The following ZIM2 variants were observed in gnomAD, a reference collection of about 807,000 sequenced individuals.
ZIM2 encodes the protein zinc finger imprinted 2.
In ZIM2, 14 loss-of-function variants were observed where a neutral mutation model predicts 38.6. The ratio of observed to expected loss-of-function variants is 0.36; its 90% CI spans 0.24 to 0.57. The LOEUF is 0.57. Ranked by LOEUF, ZIM2 falls within the 20% of genes least tolerant of loss-of-function variation. The pLI, the probability that ZIM2 is intolerant of heterozygous loss-of-function variation, is 0.81. For synonymous variants in ZIM2, 247 were observed against 245.8 expected (o/e 1.00, Z -0.04); for missense variants, 680 against 695.1 (o/e 0.98, Z 0.24).
In ZIM2 at chr19:56,824,403, TCTC is replaced by T; in HGVS notation, c.-129_-127del. On this transcript the variant is annotated 5_prime_UTR_variant, in exon 4 of 13. Coordinates refer to ENST00000629319, the MANE Select transcript of ZIM2 (RefSeq NM_001387356.1). Reference sequence around the variant, plus strand: ...TGCTCAAGGACCAAGAGCTCGATGATCTCCTCCTTGGTGCGGGTCTCCGGCTGC... The same window carrying T: ...TGCTCAAGGACCAAGAGCTCGATGATCTCCTTGGTGCGGGTCTCCGGCTGC... 1 of 1,614,110 alleles carries T rather than the reference TCTC, an allele frequency of 6.2e-7. No individual in the cohort carries two copies. Among genetic ancestry groups the T allele is most frequent in the Non-Finnish European group, 8.5e-7 (1 of 1,180,022 alleles).
At chr19:56,840,210 C>G (rs866005243) in intron 1 of ZIM2, among the ~76,000 whole-genome samples, 1 of 152,204 alleles carries the variant, frequency 6.6e-6, no homozygotes, top group African/African-American at 2.4e-5. Context: ...CGTGGCAGAG[C>G]CCCCGGCTGT....
intron 7 of ZIM2, among the ~76,000 whole-genome samples, chr19:56,821,032 C>T (rs1601017709): frequency 1.3e-5 from 2 of 152,346 alleles, no homozygotes; most frequent in East Asian, 1.9e-4. Context: ...TCATGAATCT[C>T]CCCGGCACAT....
At chr19:56,818,494 G>A in intron 8 of ZIM2, 106 bp downstream of exon 8, 1 of 1,199,204 alleles carries the variant, frequency 8.3e-7, no homozygotes, top group Non-Finnish European at 1.2e-6. Flanking sequence ...TACCCTTGAA[G>A]TCCAAATATA....
At chr19:56,812,197 G>A in intron 9 of ZIM2, 19 of 981,118 alleles carry the variant, frequency 1.9e-5, no homozygotes, top group Non-Finnish European at 2.3e-5. Flanking sequence ...GTTATTATGC[G>A]AGGGGAGGGG....
At chr19:56,813,739 A>G (rs1335972602) in intron 9 of ZIM2, 1 of 1,613,990 alleles carries the variant, frequency 6.2e-7, no homozygotes, top group African/African-American at 1.3e-5. Context: ...CTGCCCACAG[A>G]CGTCACATTT....
chr19:56,792,896 TTTCA>T (rs1192430423), intron 9 of ZIM2, among the ~76,000 whole-genome samples: 9 of 152,232 alleles, frequency 5.9e-5, no homozygotes, highest in African/African-American at 1.2e-4. Flanking sequence ...AAATGCATTC[TTTCA>T]TTCATTCACT....
In ZIM2 at chr19:56,814,872, C is replaced by A; in HGVS notation, c.490+2874G>T. The A allele has an allele frequency of 1.9e-6, 3 of 1,614,194 alleles. No homozygotes were observed. Among genetic ancestry groups the A allele is most frequent in the Middle Eastern group, 1.6e-4 (1 of 6,062 alleles). ...CATCATCACACCCCTTCATGGAATA[C>A]AACTGGTCTTGTTCATGGATTCTCT... On this transcript the variant is annotated intron_variant, in intron 9 of 12. Transcript: ENST00000629319. This position sits in a 1 kb window ranked among gnomAD's most constrained non-coding sequence, Gnocchi z 5.8.
Position 56,814,021 on chromosome 19 carries a change from T to TC in ZIM2, c.490+3724dup. On this transcript the variant is annotated intron_variant, in intron 9 of 12. Coordinates refer to ENST00000629319, the MANE Select transcript of ZIM2 (RefSeq NM_001387356.1). This position sits in a 1 kb window ranked among gnomAD's most constrained non-coding sequence, Gnocchi z 5.8. ...AGGCTCGTCGGCATCTCCCTCTGGC[T>TC]CTTCAGCTTTTCCCTCTGGCTCTTC... 1.2e-6 allele frequency: 2 copies of TC among 1,613,356 alleles called. No individual in the cohort carries two copies. The highest frequency in any genetic ancestry group is 1.7e-6 in the Non-Finnish European group (2 of 1,179,344).
intron 2 of ZIM2, among the ~76,000 whole-genome samples, chr19:56,832,479 G>A (rs780462079): frequency 6.6e-6 from 1 of 152,198 alleles, no homozygotes; most frequent in Non-Finnish European, 1.5e-5. Context: ...GGCCCACAGG[G>A]CAAACCCATA....
At chr19:56,799,436 T>C (rs1366301508) in intron 9 of ZIM2, 4 of 152,074 alleles carry the variant, frequency 2.6e-5, no homozygotes, top group African/African-American at 4.8e-5. Flanking sequence ...CAATACACAC[T>C]GGGGCCTGTT....
At chr19:56,779,590 CCAGCCTACAGAGATTTTA>C in intron 11 of ZIM2, 118 bp from the exon 12 acceptor site, 1 of 941,830 alleles carries the variant, frequency 1.1e-6, no homozygotes, top group Non-Finnish European at 1.6e-6. Context: ...AAGCCTGTTT[CCAGCCTACAGAGATTTTA>C]CCCCCTAAGG....
At chr19:56,807,176 A>G (rs1324507177) in intron 9 of ZIM2, among the ~76,000 whole-genome samples, 1 of 152,236 alleles carries the variant, frequency 6.6e-6, no homozygotes, top group Non-Finnish European at 1.5e-5. Flanking sequence ...TGCATGGAGA[A>G]GAGACCTCAT....
At position 56,775,153 on chromosome 19, in the gene ZIM2, T is replaced by C. The variant is rs1310116659; in HGVS notation, c.1212A>G (p.Arg404=). 6.2e-7 allele frequency: 1 copy of C among 1,614,158 alleles called. No homozygotes were observed. Among genetic ancestry groups the C allele is most frequent in the South Asian group, 1.1e-5 (1 of 91,082 alleles). Residue 404 remains arginine, a synonymous_variant, in exon 13 of 13, where the codon AGA becomes AGG. Transcript: ENST00000629319. ...TCCTACCAGAATGGGTCTTCTGATG[T>C]CTGTTGAGGTGTGGCATGAGATAGA... ...EAFYLMPHLN[R]HQKTHSGRKT... is the part of the protein sequence containing the mutation.
At chr19:56,782,310 C>G in intron 10 of ZIM2, 189 bp from the exon 11 acceptor site, 1 of 752,100 alleles carries the variant, frequency 1.3e-6, no homozygotes, top group South Asian at 1.8e-5. Context: ...CTAATTACTA[C>G]AGATTTGGGT....
At chr19:56,794,676 A>G (rs1186809454) in intron 9 of ZIM2, among the ~76,000 whole-genome samples, 1 of 152,204 alleles carries the variant, frequency 6.6e-6, no homozygotes, top group Non-Finnish European at 1.5e-5. Flanking sequence ...CCACCTTACA[A>G]GCCAATAGTG....
intron 9 of ZIM2, chr19:56,813,354 C>A (rs1448925675): frequency 2.7e-6 from 3 of 1,116,322 alleles, no homozygotes; most frequent in African/African-American, 1.6e-5. Flanking sequence ...ATACGTTACA[C>A]AAGTGTCATT....
intron 9 of ZIM2, chr19:56,816,697 T>C (rs749557052): frequency 1.9e-6 from 3 of 1,614,190 alleles, no homozygotes; most frequent in South Asian, 1.1e-5. Flanking sequence ...GTGGATTTTC[T>C]GGTGCTCAAT....
At chr19:56,788,821 A>G (rs1043424943) in intron 10 of ZIM2, among the ~76,000 whole-genome samples, 13 of 151,766 alleles carry the variant, frequency 8.6e-5, no homozygotes, top group African/African-American at 3.1e-4. Flanking sequence ...ACATAGTCCC[A>G]TATTTCTTGG....
intron 2 of ZIM2, among the ~76,000 whole-genome samples, chr19:56,828,529 G>C (rs971604287): frequency 6.6e-6 from 1 of 152,136 alleles, no homozygotes; most frequent in Non-Finnish European, 1.5e-5. Context: ...ATGCTCAAGC[G>C]TAATTCCAAT....
Sources: allele counts gnomAD v4.1 joint callset (sites outside exome capture counted in the v4.1 genomes callset), GRCh38; gene constraint gnomAD v4.1.1; non-coding constraint Gnocchi (gnomAD v3.1); transcripts MANE v1.5; gene names NCBI Gene and HGNC (gene_info 2026-07-23, HGNC 2026-07-21).